Variants in GNG4 observed in about 807,000 individuals in gnomAD.
GNG4 encodes the protein guanine nucleotide-binding protein G(I)/G(S)/G(O) subunit gamma-4.
Under a neutral mutation model 5.8 loss-of-function variants are expected in GNG4, and 4 were observed. The ratio of observed to expected loss-of-function variants is 0.69; its 90% CI spans 0.34 to 1.57. The LOEUF (loss-of-function observed/expected upper bound fraction) is 1.57, where lower values mean the gene tolerates loss of function less well. Among genes scored for constraint, GNG4 ranks in the 40% most tolerant of loss-of-function variants. The pLI, the probability that GNG4 is intolerant of heterozygous loss-of-function variation, is 0.06. For missense variants in GNG4, 96 were observed against 95.1 expected, an observed-to-expected ratio of 1.01 and a Z score of -0.04; for synonymous variants, 29 against 32.9, an observed-to-expected ratio of 0.88 and a Z score of 0.41.
At chr1:235,612,697 A>G (rs1418548962) in intron 1 of GNG4, among the ~76,000 whole-genome samples, 1 of 151,976 alleles carries the variant, frequency 6.6e-6, no homozygotes, top group East Asian at 1.9e-4. Context: ...TAAGTTTTGT[A>G]TTTTTAGTAA....
At chr1:235,595,188 G>A (rs1301461613) in intron 2 of GNG4, among the ~76,000 whole-genome samples, 1 of 152,196 alleles carries the variant, frequency 6.6e-6, no homozygotes, top group Non-Finnish European at 1.5e-5. Flanking sequence ...ATAACAGGAG[G>A]TGGCAAAAGG....
chr1:235,596,504 C>A (rs1029286415), intron 1 of GNG4, among the ~76,000 whole-genome samples: 6 of 152,022 alleles, frequency 3.9e-5, no homozygotes, highest in African/African-American at 1.4e-4. Flanking sequence ...GCCTGGGCAA[C>A]AAGAGCAAAA....
At position 235,622,014 on chromosome 1, in the gene GNG4, G is replaced by T. The variant is rs146457281; in HGVS notation, c.-122-26503C>A. 2.9e-3 allele frequency among the ~76,000 whole-genome samples: 443 copies of T among 152,176 alleles called. 1 individual carries two copies. Among genetic ancestry groups the T allele is most frequent in the Admixed American group, 5.6e-3 (85 of 15,276 alleles). ...TTTTAAAAAATAACTCAGCTCTTAT[G>T]AAAAGAAATTAGAAAATAAAATTAA... On this transcript the variant is annotated intron_variant, in intron 1 of 3. Transcript: ENST00000391854.
chr1:235,600,379 C>T (rs1048642320), intron 1 of GNG4, among the ~76,000 whole-genome samples: 14 of 151,680 alleles, frequency 9.2e-5, no homozygotes, highest in South Asian at 2.1e-4. Flanking sequence ...CCTCCCAAAG[C>T]GTTGGGATTA....
chr1:235,620,916 A>C (rs1399725868), intron 1 of GNG4, among the ~76,000 whole-genome samples: 1 of 152,216 alleles, frequency 6.6e-6, no homozygotes, highest in Non-Finnish European at 1.5e-5. Context: ...CCCTGGCATT[A>C]GTAGCTTCAA....
At chr1:235,610,783 T>C (rs1558496225) in intron 1 of GNG4, among the ~76,000 whole-genome samples, 1 of 151,864 alleles carries the variant, frequency 6.6e-6, no homozygotes. Context: ...TCTGTCAAGA[T>C]AAAAAAAAGC....
chr1:235,580,814 A>G (rs1438628832), intron 3 of GNG4, among the ~76,000 whole-genome samples: 1 of 141,008 alleles, frequency 7.1e-6, no homozygotes, highest in Non-Finnish European at 1.5e-5. Flanking sequence ...GCAGTGGCAC[A>G]ATCTTGGCTC....
intron 1 of GNG4, among the ~76,000 whole-genome samples, chr1:235,597,479 G>T (rs1272984675): frequency 6.7e-6 from 1 of 148,520 alleles, no homozygotes; most frequent in Non-Finnish European, 1.5e-5. Flanking sequence ...AGGTGGTTAA[G>T]TCATGAGGAT....
intron 2 of GNG4, among the ~76,000 whole-genome samples, chr1:235,591,753 A>C (rs1042112311): frequency 6.6e-6 from 1 of 152,184 alleles, no homozygotes; most frequent in African/African-American, 2.4e-5. Context: ...GGCAAGGGGG[A>C]AAAGGGACCA....
intron 2 of GNG4, among the ~76,000 whole-genome samples, chr1:235,587,469 TGA>T (rs1278580784): frequency 4.3e-3 from 6 of 1,408 alleles, no homozygotes; most frequent in Non-Finnish European, 6.5e-3. Flanking sequence ...GGGTGGGGGG[TGA>T]GTGTGAGAGT....
rs1406051953 is a variant in GNG4, at chr1:235,649,537, CA to C, written c.-123+124del. ...GCAGCAGCTGGCGGCGTGAGGACCACACCGGCGCCAGAGCCGTCTCCCTAGG... is the reference window on the plus strand; with the variant it reads ...GCAGCAGCTGGCGGCGTGAGGACCACCCGGCGCCAGAGCCGTCTCCCTAGG... On this transcript the variant is annotated intron_variant, in intron 1 of 3. Transcript: ENST00000391854. This position sits in a 1 kb window ranked among gnomAD's most constrained non-coding sequence, Gnocchi z 5.7. 6.6e-6 allele frequency: 1 copy of C among 152,224 alleles called. No homozygotes were observed. Among genetic ancestry groups the C allele is most frequent in the Non-Finnish European group, 1.5e-5 (1 of 68,098 alleles). The allele number at this position is 152,224 out of a possible 1,614,324, so 9.4% of individuals were successfully genotyped here. A position where few individuals can be genotyped will look rare whatever the true frequency, so the allele number is the denominator to read the frequency against.
intron 2 of GNG4, among the ~76,000 whole-genome samples, chr1:235,594,527 T>C (rs1233813315): frequency 1.3e-5 from 2 of 152,066 alleles, no homozygotes; most frequent in Non-Finnish European, 1.5e-5. Flanking sequence ...GAGCCCATGG[T>C]GGTGGGGAGG....
At chr1:235,591,389 A>G (rs1290780141) in intron 2 of GNG4, among the ~76,000 whole-genome samples, 2 of 152,186 alleles carry the variant, frequency 1.3e-5, no homozygotes, top group African/African-American at 4.8e-5. Flanking sequence ...AAAGCAGGAA[A>G]TCCCTGGTGG....
At chr1:235,627,449 C>CAAGGT (rs1688839890) in intron 1 of GNG4, among the ~76,000 whole-genome samples, 1 of 151,922 alleles carries the variant, frequency 6.6e-6, no homozygotes, top group African/African-American at 2.4e-5. Context: ...TCTCAAACTC[C>CAAGGT]TGACCTTGTA....
rs1553365414 is a variant in GNG4 at position 235,570,923 on chromosome 1, T to TACAC, written c.99+12813_99+12816dup. Reference sequence around the variant, plus strand: ...GTGTGTGTGTGTATACATATATATATACACACACACACACACACACACATA... The same window carrying TACAC: ...GTGTGTGTGTGTATACATATATATATACACACACACACACACACACACACACATA... On this transcript the variant is annotated intron_variant, in intron 3 of 3. Coordinates refer to ENST00000391854, the MANE Select transcript of GNG4 (RefSeq NM_001098722.2). 8.2e-5 allele frequency among the ~76,000 whole-genome samples: 8 copies of TACAC among 97,346 alleles called. No homozygotes were observed. In the South Asian group the frequency reaches 9.0e-4, roughly 11 times the overall value. 63.9% of individuals were successfully genotyped at this position (97,346 alleles called of 152,430 possible).
At chr1:235,552,339 C>T in intron 3 of GNG4, 102 bp from the exon 4 acceptor site, 1 of 1,073,290 alleles carries the variant, frequency 9.3e-7, no homozygotes, top group Non-Finnish European at 1.4e-6. Flanking sequence ...CTAGGGTAGG[C>T]TGTATTGTGT....
intron 1 of GNG4, among the ~76,000 whole-genome samples, chr1:235,602,144 T>A (rs1247030818): frequency 6.6e-6 from 1 of 152,090 alleles, no homozygotes; most frequent in Admixed American, 6.6e-5. Flanking sequence ...TGGTGGCAGG[T>A]GCCTATAATT....
intron 1 of GNG4, chr1:235,614,552 G>C (rs929831594): frequency 6.6e-6 from 1 of 152,286 alleles, no homozygotes; most frequent in East Asian, 1.9e-4. Context: ...TCAGGGTTCA[G>C]GCAGATGGGT....
chr1:235,600,278 C>A (rs963583732), intron 1 of GNG4, among the ~76,000 whole-genome samples: 1 of 151,708 alleles, frequency 6.6e-6, no homozygotes, highest in African/African-American at 2.4e-5. Context: ...CCATGCCCAG[C>A]TAATTTTTAT....
Sources: gnomAD v4.1 joint callset for allele counts (sites outside exome capture counted in the v4.1 genomes callset) on GRCh38, gnomAD v4.1.1 for gene constraint, Gnocchi (gnomAD v3.1) non-coding constraint, MANE v1.5 for transcripts, NCBI Gene and HGNC (gene_info 2026-07-23, HGNC 2026-07-21) for gene names.